DNAH11: variants seen among roughly 807,000 people sequenced by gnomAD.
The protein encoded by DNAH11 is dynein axonemal heavy chain 11.
Under a neutral mutation model 526.0 loss-of-function variants are expected in DNAH11, and 442 were observed. That is an observed-to-expected ratio of 0.84 (90% confidence interval 0.78 to 0.91). The LOEUF is 0.91. DNAH11 is among the 40% of genes least tolerant of loss of function. DNAH11 has a pLI of 0.00. For missense variants in DNAH11, 6,989 were observed against 5,448.7 expected, an observed-to-expected ratio of 1.28 and a Z score of -8.90; for synonymous variants, 2,461 against 1,935.9, an observed-to-expected ratio of 1.27 and a Z score of -7.12.
chr7:21,574,158 T>A (rs1011470712), intron 8 of DNAH11, among the ~76,000 whole-genome samples: 2 of 152,218 alleles, frequency 1.3e-5, no homozygotes, highest in Non-Finnish European at 2.9e-5. Flanking sequence ...GAGACTTGCT[T>A]TCTTCATTAT....
chr7:21,759,180 T>C (rs1189561288), intron 54 of DNAH11, among the ~76,000 whole-genome samples: 1 of 152,180 alleles, frequency 6.6e-6, no homozygotes, highest in Non-Finnish European at 1.5e-5. Flanking sequence ...CTTTGCTATC[T>C]ATTGGGATTC....
At position 21,684,014 on chromosome 7, in the gene DNAH11, A is replaced by C. The variant is rs1237936578; in HGVS notation, c.5621+70A>C. On this transcript the variant is annotated intron_variant, in intron 32 of 81. Transcript: ENST00000409508. ...AAAGTCCCCTAGTGTGAGAATGAAA[A>C]GGAAGGAATGAGAGGAAACGATGAA... is the stretch of plus-strand genomic sequence containing the variant. 2.0e-6 allele frequency: 3 copies of C among 1,515,042 alleles called. No individual in the cohort carries two copies. The African/African-American group carries it at 4.2e-5, about 21-fold the overall frequency. The allele number at this position is 1,515,042 out of a possible 1,614,324, so 93.8% of individuals were successfully genotyped here.
Position 21,545,009 on chromosome 7 carries a change from C to A in DNAH11, c.355C>A (p.Pro119Thr). ...SGRLAASQEIPRDANHKLVFI... is the reference protein window; with the variant it reads ...SGRLAASQEITRDANHKLVFI... ...AATTATCTTGCTCTTGTTTTAGATTCCAAGAGATGCAAACCATAAACTTGT... is the reference window on the plus strand; with the variant it reads ...AATTATCTTGCTCTTGTTTTAGATTACAAGAGATGCAAACCATAAACTTGT... Residue 119 changes from proline (P) to threonine (T), a missense_variant, in exon 2 of 82, where the codon CCA becomes ACA. Pro to Thr is a conservative substitution (Grantham distance 38). Transcript: ENST00000409508. 6.3e-7 allele frequency: 1 copy of A among 1,578,046 alleles called. No homozygotes were observed. The highest frequency in any genetic ancestry group is 8.6e-7 in the Non-Finnish European group (1 of 1,161,730).
intron 58 of DNAH11, among the ~76,000 whole-genome samples, chr7:21,786,114 C>T (rs759426479): frequency 3.3e-5 from 5 of 152,150 alleles, no homozygotes; most frequent in African/African-American, 1.2e-4. Flanking sequence ...TTCAGCCTAT[C>T]TTGGCCCTCT....
intron 6 of DNAH11, among the ~76,000 whole-genome samples, chr7:21,564,896 G>GT (rs1161290156): frequency 4.1e-5 from 6 of 144,628 alleles, no homozygotes; most frequent in African/African-American, 1.6e-4. Context: ...CCTGCAAAAT[G>GT]TTAAAAAAAA....
chr7:21,600,967 G>T, intron 16 of DNAH11, 37 bp downstream of exon 16: 34 of 1,611,364 alleles, frequency 2.1e-5, no homozygotes, highest in Non-Finnish European at 2.9e-5. Flanking sequence ...TAGTGAAATG[G>T]CTTTTCACTG....
chr7:21,796,599 C>T (rs572833557), intron 61 of DNAH11, among the ~76,000 whole-genome samples: 12 of 152,256 alleles, frequency 7.9e-5, no homozygotes, highest in South Asian at 2.1e-4. Flanking sequence ...GTTATCATGG[C>T]GGCCAAGGGA....
Position 21,810,173 on chromosome 7 carries a change from A to T in DNAH11, c.10332+2124A>T, listed in dbSNP as rs567606701. On this transcript the variant is annotated intron_variant, in intron 63 of 81. Transcript: ENST00000409508. ...ACCCTAAATTTGAAAATTCAAACCCATAAGCAAAGTGAAGTAATAGATTTG... is the reference window on the plus strand; with the variant it reads ...ACCCTAAATTTGAAAATTCAAACCCTTAAGCAAAGTGAAGTAATAGATTTG... 2.6e-5 allele frequency among the ~76,000 whole-genome samples: 4 copies of T among 152,366 alleles called. No homozygotes were observed. The South Asian group carries it at 8.3e-4, about 32-fold the overall frequency.
chr7:21,712,440 G>C (rs1484155517), intron 42 of DNAH11, among the ~76,000 whole-genome samples: 1 of 152,070 alleles, frequency 6.6e-6, no homozygotes, highest in African/African-American at 2.4e-5. Context: ...TTAATTTTTT[G>C]AGAAACTGAC....
In DNAH11 at chr7:21,619,081, C is replaced by A. The variant is rs773882078; in HGVS notation, c.4255-19C>A. Reference sequence around the variant, plus strand: ...CATATATGTGGAATATAAAGTCTAACTTTTTTTCCCCCAATCAGGTCAAGT... The same window carrying A: ...CATATATGTGGAATATAAAGTCTAAATTTTTTTCCCCCAATCAGGTCAAGT... On this transcript the variant is annotated intron_variant, in intron 23 of 81. Coordinates refer to ENST00000409508, the MANE Select transcript of DNAH11 (RefSeq NM_001277115.2). 2 of 1,612,810 alleles carry A rather than the reference C, an allele frequency of 1.2e-6. No individual in the cohort carries two copies.
intron 25 of DNAH11, among the ~76,000 whole-genome samples, chr7:21,627,517 C>G (rs1165448564): frequency 6.6e-6 from 1 of 152,152 alleles, no homozygotes. Context: ...TTTCCCAGTA[C>G]CATTTATTGA....
chr7:21,564,120 A>G, intron 5 of DNAH11, 66 bp from the exon 6 acceptor site: 1 of 1,242,328 alleles, frequency 8.0e-7, no homozygotes, highest in African/African-American at 1.5e-5. Flanking sequence ...TTCTACATGT[A>G]AAGTGAATTT....
At chr7:21,702,892 A>G (rs957947035) in intron 37 of DNAH11, 90 bp downstream of exon 37, 11 of 1,129,842 alleles carry the variant, frequency 9.7e-6, no homozygotes, top group Non-Finnish European at 1.3e-5. Context: ...GGGCATGGAC[A>G]GCACAACTTT....
At chr7:21,763,293 G>C (rs1449122798) in intron 54 of DNAH11, among the ~76,000 whole-genome samples, 1 of 133,998 alleles carries the variant, frequency 7.5e-6, no homozygotes, top group Non-Finnish European at 1.5e-5. Flanking sequence ...AGCAAGCCGA[G>C]ATTGTGCCAC....
chr7:21,618,520 G>A (rs1583534008), intron 23 of DNAH11: 1 of 156,090 alleles, frequency 6.4e-6, no homozygotes, highest in African/African-American at 2.4e-5. Flanking sequence ...TATAGGGGAG[G>A]GAAGGAGAGT....
At chr7:21,646,629 AC>A (rs1787366347) in intron 28 of DNAH11, among the ~76,000 whole-genome samples, 1 of 152,262 alleles carries the variant, frequency 6.6e-6, no homozygotes. Context: ...TGGGGAAAGA[AC>A]TATCAGGTGC....
intron 42 of DNAH11, 115 bp downstream of exon 42, chr7:21,711,975 T>C (rs1282953629): frequency 8.1e-7 from 1 of 1,229,314 alleles, no homozygotes. Flanking sequence ...CCACCATCCA[T>C]CTCTGGAAGG....
chr7:21,733,245 G>A (rs950649287), intron 45 of DNAH11, among the ~76,000 whole-genome samples: 1 of 152,160 alleles, frequency 6.6e-6, no homozygotes, highest in African/African-American at 2.4e-5. Context: ...AAAATTAGCT[G>A]GGTATGGTGG....
chr7:21,735,924 A>C, intron 46 of DNAH11, 80 bp downstream of exon 46: 1 of 1,294,138 alleles, frequency 7.7e-7, no homozygotes, highest in Non-Finnish European at 1.1e-6. Context: ...AAGACTAATA[A>C]TGCCTTTCCC....
Sources: allele counts gnomAD v4.1 joint callset (sites outside exome capture counted in the v4.1 genomes callset), GRCh38; gene constraint gnomAD v4.1.1; transcripts MANE v1.5; gene names NCBI Gene and HGNC (gene_info 2026-07-23, HGNC 2026-07-21).